Variants in CNTLN observed in about 807,000 individuals in gnomAD.
CNTLN encodes centlein.
In CNTLN, 212 loss-of-function variants were observed where a neutral mutation model predicts 180.0. That is an observed-to-expected ratio of 1.18 (90% CI 1.05 to 1.32). CNTLN has a LOEUF of 1.32. Ranked by LOEUF, CNTLN falls within the 40% of genes most tolerant of loss-of-function variation. CNTLN has a pLI of 0.00. For synonymous variants in CNTLN, 722 were observed against 563.1 expected, an observed-to-expected ratio of 1.28 and a Z score of -3.99; for missense variants, 2,095 against 1,610.9, an observed-to-expected ratio of 1.30 and a Z score of -5.14.
chr9:17,276,425 G>C (rs1828313863), intron 6 of CNTLN, among the ~76,000 whole-genome samples: 1 of 152,076 alleles, frequency 6.6e-6, no homozygotes, highest in African/African-American at 2.4e-5. Context: ...GGAAAAAGTG[G>C]TCTAGGCACT....
At chr9:17,237,381 A>T (rs1825215069) in intron 5 of CNTLN, among the ~76,000 whole-genome samples, 1 of 149,838 alleles carries the variant, frequency 6.7e-6, no homozygotes, top group African/African-American at 2.5e-5. Flanking sequence ...ACACACACAC[A>T]CACACACACA....
chr9:17,225,966 G>A (rs759523765), intron 2 of CNTLN, among the ~76,000 whole-genome samples: 2 of 151,860 alleles, frequency 1.3e-5, no homozygotes, highest in African/African-American at 2.4e-5. Context: ...TTGCAATCAA[G>A]GTTAAACTAT....
chr9:17,406,842 G>C (rs544884237), intron 15 of CNTLN, among the ~76,000 whole-genome samples: 1 of 151,538 alleles, frequency 6.6e-6, no homozygotes, highest in Non-Finnish European at 1.5e-5. Flanking sequence ...ACTAAGACAC[G>C]TCTCCCTCCT....
At chr9:17,341,989 T>C (rs980428876) in intron 11 of CNTLN, among the ~76,000 whole-genome samples, 1 of 152,072 alleles carries the variant, frequency 6.6e-6, no homozygotes, top group Non-Finnish European at 1.5e-5. Context: ...TCCAGATGAG[T>C]TGGTTGCATA....
intron 5 of CNTLN, among the ~76,000 whole-genome samples, chr9:17,246,887 GT>G (rs71492905): frequency 0.49 from 73,912 of 150,282 alleles, 19,275 homozygotes; most frequent in South Asian, 0.7. Context: ...TCAGAGGAGT[GT>G]TTTTTTTTTC....
intron 16 of CNTLN, 31 bp downstream of exon 16, chr9:17,409,504 CTA>C (rs1827677579): frequency 6.7e-7 from 1 of 1,486,178 alleles, no homozygotes. Flanking sequence ...TAATTGTATG[CTA>C]TGTTTTAAAT....
intron 6 of CNTLN, among the ~76,000 whole-genome samples, chr9:17,294,931 C>G (rs369391007): frequency 0.44 from 13,715 of 31,074 alleles, 1,491 homozygotes; most frequent in South Asian, 0.48. Flanking sequence ...GGGGGGAGGG[C>G]GGGGGAGGCT....
At chr9:17,247,779 C>CTTTTT (rs572267371) in intron 5 of CNTLN, among the ~76,000 whole-genome samples, 2 of 108,482 alleles carry the variant, frequency 1.8e-5, no homozygotes, top group South Asian at 2.9e-4. Context: ...AATACTTTTA[C>CTTTTT]TTTTTTTTTT....
intron 18 of CNTLN, among the ~76,000 whole-genome samples, chr9:17,436,850 C>G (rs1829807397): frequency 6.6e-6 from 1 of 152,180 alleles, no homozygotes. Context: ...AAGTAGAAAA[C>G]TACTCTTTTT....
intron 1 of CNTLN, among the ~76,000 whole-genome samples, chr9:17,136,487 G>A (rs1276690166): frequency 6.6e-6 from 1 of 152,066 alleles, no homozygotes; most frequent in Non-Finnish European, 1.5e-5. Context: ...CCGCCACCAC[G>A]CCTGGCTAAT....
At chr9:17,222,487 T>G (rs1824204724) in intron 2 of CNTLN, among the ~76,000 whole-genome samples, 1 of 151,996 alleles carries the variant, frequency 6.6e-6, no homozygotes, top group Non-Finnish European at 1.5e-5. Context: ...TCGTGGTATA[T>G]GAAAGCAAGG....
At chr9:17,301,707 T>C (rs1300566089) in intron 7 of CNTLN, 2 of 954,038 alleles carry the variant, frequency 2.1e-6, no homozygotes, top group African/African-American at 1.8e-5. Flanking sequence ...TTTGAAAATA[T>C]TCTTCTTATT....
intron 16 of CNTLN, among the ~76,000 whole-genome samples, chr9:17,411,810 C>T (rs1256044039): frequency 6.6e-6 from 1 of 152,058 alleles, no homozygotes; most frequent in Non-Finnish European, 1.5e-5. Flanking sequence ...CCTATCCATG[C>T]AAAAATTTTC....
At chr9:17,218,994 G>A (rs1332277421) in intron 2 of CNTLN, among the ~76,000 whole-genome samples, 1 of 152,128 alleles carries the variant, frequency 6.6e-6, no homozygotes, top group East Asian at 1.9e-4. Context: ...CTGAAAGTTA[G>A]CGTGGTAATT....
chr9:17,351,604 A>C (rs1822369926), intron 12 of CNTLN, among the ~76,000 whole-genome samples: 6 of 152,130 alleles, frequency 3.9e-5, no homozygotes, highest in African/African-American at 2.4e-5. Flanking sequence ...CTAAGCCTTA[A>C]TATTTCACAT....
At chr9:17,385,374 C>A (rs1341797389) in intron 13 of CNTLN, among the ~76,000 whole-genome samples, 1 of 152,108 alleles carries the variant, frequency 6.6e-6, no homozygotes, top group Middle Eastern at 3.2e-3. Context: ...TGGGGCTGGA[C>A]GTTAAAACCA....
intron 6 of CNTLN, among the ~76,000 whole-genome samples, chr9:17,280,363 T>G (rs1230723397): frequency 6.6e-6 from 1 of 152,224 alleles, no homozygotes; most frequent in African/African-American, 2.4e-5. Flanking sequence ...TTCCATAACT[T>G]TGATTTTGCT....
At chr9:17,354,884 G>A (rs986282408) in intron 12 of CNTLN, among the ~76,000 whole-genome samples, 3 of 151,918 alleles carry the variant, frequency 2.0e-5, no homozygotes, top group Admixed American at 1.3e-4. Context: ...CTGTAACACC[G>A]CCAAGATCTG....
intron 2 of CNTLN, among the ~76,000 whole-genome samples, chr9:17,179,403 G>A (rs892115165): frequency 6.6e-6 from 1 of 151,976 alleles, no homozygotes; most frequent in African/African-American, 2.4e-5. Context: ...TCAGTTCTAT[G>A]TATTTTTAAC....
Sources: gnomAD v4.1 joint callset for allele counts (sites outside exome capture counted in the v4.1 genomes callset) on GRCh38, gnomAD v4.1.1 for gene constraint, MANE v1.5 for transcripts, NCBI Gene and HGNC (gene_info 2026-07-23, HGNC 2026-07-21) for gene names.